The following CREB5 variants were observed in gnomAD, a reference collection of about 807,000 sequenced individuals.
CREB5 encodes the protein cAMP responsive element binding protein 5.
In CREB5, 19 loss-of-function variants were observed where a neutral mutation model predicts 57.1. The ratio of observed to expected loss-of-function variants is 0.33; its 90% confidence interval spans 0.23 to 0.49. The LOEUF (loss-of-function observed/expected upper bound fraction) is 0.49, where lower values mean the gene tolerates loss of function less well. Ranked by LOEUF, CREB5 falls within the 20% of genes least tolerant of loss-of-function variation. The probability of loss-of-function intolerance (pLI) is 0.99; values close to 1 mark genes in which losing one functional copy is unlikely to be tolerated. For missense variants in CREB5, 579 were observed against 671.6 expected, an observed-to-expected ratio of 0.86 and a Z score of 1.52; for synonymous variants, 238 against 238.3, an observed-to-expected ratio of 1.00 and a Z score of 0.01.
intron 1 of CREB5, among the ~76,000 whole-genome samples, chr7:28,461,851 C>G (rs952775902): frequency 6.6e-6 from 1 of 151,840 alleles, no homozygotes; most frequent in African/African-American, 2.4e-5. Flanking sequence ...ATGTAGAGAG[C>G]CCACTTGTAG....
chr7:28,487,874 A>G lies in CREB5; in HGVS notation c.4-301A>G, dbSNP rs538286142. Among the ~76,000 whole-genome samples, 23 of 152,240 alleles carry G rather than the reference A, an allele frequency of 1.5e-4. No individual in the cohort carries two copies. The South Asian group carries it at 4.4e-3, about 29-fold the overall frequency. On this transcript the variant is annotated intron_variant, in intron 1 of 10. Transcript: ENST00000357727. ...ATAGGTGTGGTCTTTCCTGGTAGTA[A>G]CACCCACCAGGTGGTTTTCCACAGG...
intron 4 of CREB5, among the ~76,000 whole-genome samples, chr7:28,549,797 G>C (rs1487338981): frequency 1.3e-5 from 2 of 152,138 alleles, no homozygotes; most frequent in Admixed American, 1.3e-4. Flanking sequence ...GGGGGAAAAA[G>C]AATGCTATTT....
chr7:28,418,461 T>C (rs1788106704), intron 1 of CREB5, among the ~76,000 whole-genome samples: 2 of 152,314 alleles, frequency 1.3e-5, no homozygotes, highest in African/African-American at 2.4e-5. Flanking sequence ...CAGCCTCTTG[T>C]GACTTCATGC....
At chr7:28,634,320 A>T (rs1387295654) in intron 5 of CREB5, among the ~76,000 whole-genome samples, 1 of 152,230 alleles carries the variant, frequency 6.6e-6, no homozygotes, top group Non-Finnish European at 1.5e-5. Flanking sequence ...AGATTAATGC[A>T]TGCTCATGGA....
chr7:28,318,570 C>T (rs572636025), intron 1 of CREB5, among the ~76,000 whole-genome samples: 111 of 152,284 alleles, frequency 7.3e-4, no homozygotes, highest in African/African-American at 2.6e-3. Context: ...ATAGAGCCTC[C>T]CTTCTCTGCT....
chr7:28,466,342 C>CA (rs1790569566), intron 1 of CREB5, among the ~76,000 whole-genome samples: 1 of 151,740 alleles, frequency 6.6e-6, no homozygotes, highest in African/African-American at 2.4e-5. Context: ...TTCACTGCTG[C>CA]AAGGGAAAGC....
At chr7:28,562,043 C>T (rs956366975) in intron 4 of CREB5, among the ~76,000 whole-genome samples, 4 of 152,158 alleles carry the variant, frequency 2.6e-5, no homozygotes, top group Non-Finnish European at 5.9e-5. Flanking sequence ...ACCAGCCCTG[C>T]CAATTACATC....
rs1219609828 is a variant in CREB5 at position 28,743,500 on chromosome 7, T to C, written c.702+19168T>C. On this transcript the variant is annotated intron_variant, in intron 7 of 10. Coordinates refer to ENST00000357727, the MANE Select transcript of CREB5 (RefSeq NM_182898.4). Reference sequence around the variant, plus strand: ...GTGAGCTGTGATTGCACCACTACACTCTAGCTTGGCATCAGAGTGAGACCC... The same window carrying C: ...GTGAGCTGTGATTGCACCACTACACCCTAGCTTGGCATCAGAGTGAGACCC... Among the ~76,000 whole-genome samples, 6 of 152,184 alleles carry C rather than the reference T, an allele frequency of 3.9e-5. No homozygotes were observed. In the East Asian group the frequency reaches 1.2e-3, roughly 29 times the overall value.
chr7:28,558,526 A>G (rs1208280558), intron 4 of CREB5, among the ~76,000 whole-genome samples: 2 of 152,254 alleles, frequency 1.3e-5, no homozygotes, highest in African/African-American at 4.8e-5. Flanking sequence ...CACTGAAGAT[A>G]GCATTTCTGT....
chr7:28,441,050 T>C (rs773371522), intron 1 of CREB5, among the ~76,000 whole-genome samples: 1 of 152,238 alleles, frequency 6.6e-6, no homozygotes, highest in Non-Finnish European at 1.5e-5. Context: ...ATTTAATTCA[T>C]ATGGTTTTGA....
At chr7:28,748,062 G>A (rs933237547) in intron 7 of CREB5, among the ~76,000 whole-genome samples, 4 of 152,202 alleles carry the variant, frequency 2.6e-5, no homozygotes, top group African/African-American at 9.7e-5. Flanking sequence ...TGCAGATTTT[G>A]CTTTGTTACC....
At position 28,718,877 on chromosome 7, in the gene CREB5, C is replaced by T. The variant is rs1802859445; in HGVS notation, c.589C>T (p.Pro197Ser). ...TMPGSSAVLM[P>S]MERQMSVNSS... Reference sequence around the variant, plus strand: ...GCCAGGATCTTCCGCCGTCTTGATGCCAGTAAGTGTTTCTGTGTGTCTCAC... The same window carrying T: ...GCCAGGATCTTCCGCCGTCTTGATGTCAGTAAGTGTTTCTGTGTGTCTCAC... The change falls in exon 6 of 11, where the codon CCA (proline) becomes TCA (serine). Residue 197 changes from proline (P) to serine (S), a missense_variant and splice_region_variant. Physicochemically the swap from Pro to Ser is moderately conservative, Grantham distance 74. Transcript: ENST00000357727. 2 of 1,613,888 alleles carry T rather than the reference C, an allele frequency of 1.2e-6. No homozygotes were observed. The highest frequency in any genetic ancestry group is 1.7e-6 in the Non-Finnish European group (2 of 1,179,928).
intron 7 of CREB5, among the ~76,000 whole-genome samples, chr7:28,770,829 G>GTT (rs993344584): frequency 9.2e-5 from 14 of 152,202 alleles, no homozygotes; most frequent in Non-Finnish European, 5.9e-5. Context: ...CAAACTTTCA[G>GTT]TTATAGAATG....
chr7:28,317,029 G>A (rs768328720), intron 1 of CREB5, among the ~76,000 whole-genome samples: 5 of 150,114 alleles, frequency 3.3e-5, no homozygotes, highest in Non-Finnish European at 7.4e-5. Flanking sequence ...TGTCTTCTCT[G>A]GCTGGCATAC....
chr7:28,533,417 C>G (rs764646644), intron 4 of CREB5, among the ~76,000 whole-genome samples: 2 of 152,212 alleles, frequency 1.3e-5, no homozygotes, highest in Non-Finnish European at 2.9e-5. Flanking sequence ...CATGGACACT[C>G]TGGTGACCAT....
intron 5 of CREB5, among the ~76,000 whole-genome samples, chr7:28,668,469 T>A (rs1799911438): frequency 6.6e-6 from 1 of 152,194 alleles, no homozygotes; most frequent in Admixed American, 6.5e-5. Context: ...ATTATGCAAC[T>A]GTGAGTGTGG....
intron 1 of CREB5, among the ~76,000 whole-genome samples, chr7:28,312,104 T>C (rs79593057): frequency 0.02 from 3,081 of 152,242 alleles, 68 homozygotes; most frequent in Admixed American, 0.056. Context: ...TAAGATGTAA[T>C]TAGCTGTTAT....
intron 7 of CREB5, among the ~76,000 whole-genome samples, chr7:28,736,491 T>A (rs759601644): frequency 4.6e-5 from 7 of 152,158 alleles, no homozygotes; most frequent in African/African-American, 7.2e-5. Flanking sequence ...CTCTGTGCAC[T>A]TACATATATT....
intron 1 of CREB5, among the ~76,000 whole-genome samples, chr7:28,382,920 G>A (rs1405884638): frequency 6.6e-6 from 1 of 152,082 alleles, no homozygotes; most frequent in Non-Finnish European, 1.5e-5. Flanking sequence ...AAAATCGCCT[G>A]GCTGTCTGAA....
Sources: gnomAD v4.1 joint callset for allele counts (sites outside exome capture counted in the v4.1 genomes callset) on GRCh38, gnomAD v4.1.1 for gene constraint, MANE v1.5 for transcripts, NCBI Gene and HGNC (gene_info 2026-07-23, HGNC 2026-07-21) for gene names.